BEND4: variants seen among roughly 807,000 people sequenced by gnomAD.
BEND4 encodes the protein BEN domain-containing protein 4.
In BEND4, 27 loss-of-function variants were observed where a neutral mutation model predicts 54.7. That is an observed-to-expected ratio of 0.49 (90% CI 0.36 to 0.68). The LOEUF is 0.68. Ranked by LOEUF, BEND4 falls within the 30% of genes least tolerant of loss-of-function variation. The pLI, the probability that BEND4 is intolerant of heterozygous loss-of-function variation, is 0.00. For missense variants in BEND4, 702 were observed against 697.2 expected (o/e 1.01, Z -0.08); for synonymous variants, 327 against 299.5 (o/e 1.09, Z -0.95).
At position 42,115,887 on chromosome 4, in the gene BEND4, A is replaced by G. The variant is rs1719803825; in HGVS notation, c.*1631T>C. 6.6e-6 allele frequency: 1 copy of G among 152,208 alleles called. No individual in the cohort carries two copies. 9.4% of individuals were successfully genotyped at this position (152,208 alleles called of 1,614,324 possible). ...GACAAATTTTAGTTAATTTTCTCAA[A>G]ACAGGATTGAAATATTAGTGCCCAC... On this transcript the variant is annotated 3_prime_UTR_variant, in exon 6 of 6. Coordinates refer to ENST00000502486, the MANE Select transcript of BEND4 (RefSeq NM_207406.4).
Position 42,113,853 on chromosome 4 carries a change from A to G in BEND4, c.*3665T>C, listed in dbSNP as rs995850447. ...CTCGAATCCCCTACAAAAGGAGATA[A>G]CAATTTTCTGCAAATGCTCTAATAT... On this transcript the variant is annotated 3_prime_UTR_variant, in exon 6 of 6. Transcript: ENST00000502486. The G allele has an allele frequency of 3.3e-5, 5 of 152,220 alleles. No individual in the cohort carries two copies. The highest frequency in any genetic ancestry group is 1.3e-4 in the Admixed American group (2 of 15,284). 9.4% of individuals were successfully genotyped at this position (152,220 alleles called of 1,614,324 possible).
Position 42,115,867 on chromosome 4 carries a change from A to T in BEND4, c.*1651T>A, listed in dbSNP as rs1719802968. On this transcript the variant is annotated 3_prime_UTR_variant, in exon 6 of 6. Transcript: ENST00000502486. The stretch of plus-strand genomic sequence containing the variant: ...CCTATTCCATTGAATGATATGACAA[A>T]TTTTAGTTAATTTTCTCAAAACAGG... 6.6e-6 allele frequency: 1 copy of T among 152,186 alleles called. No homozygotes were observed. The highest frequency in any genetic ancestry group is 2.1e-4 in the South Asian group (1 of 4,822). The allele number at this position is 152,186 out of a possible 1,614,324, so 9.4% of individuals were successfully genotyped here.
chr4:42,141,814 TTATG>T (rs1339412796), intron 3 of BEND4, among the ~76,000 whole-genome samples: 1 of 152,332 alleles, frequency 6.6e-6, no homozygotes, highest in Non-Finnish European at 1.5e-5. Flanking sequence ...TTAAAATTTC[TTATG>T]TATGATTTAT....
intron 4 of BEND4, among the ~76,000 whole-genome samples, chr4:42,120,970 T>C (rs1332339147): frequency 6.6e-6 from 1 of 152,166 alleles, no homozygotes; most frequent in East Asian, 1.9e-4. Flanking sequence ...CCGGGCTAAA[T>C]AGCTGCAGTG....
At chr4:42,141,223 C>T (rs773798056) in intron 3 of BEND4, among the ~76,000 whole-genome samples, 5 of 152,204 alleles carry the variant, frequency 3.3e-5, no homozygotes, top group South Asian at 4.1e-4. Flanking sequence ...GCACCTCTTA[C>T]TTCCTCCCCT....
intron 5 of BEND4, 128 bp from the exon 6 acceptor site, chr4:42,117,863 CG>C: frequency 1.6e-6 from 1 of 644,012 alleles, no homozygotes; most frequent in Non-Finnish European, 2.7e-6. Context: ...GGAAATCCAA[CG>C]CAATGCCATG....
chr4:42,147,448 G>A (rs1011361670), intron 2 of BEND4, among the ~76,000 whole-genome samples: 46 of 150,370 alleles, frequency 3.1e-4, no homozygotes, highest in Non-Finnish European at 5.3e-4. Flanking sequence ...TCTTAACTCA[G>A]CAAACTGTGA....
chr4:42,124,860 AC>A (rs1460261234), intron 4 of BEND4, among the ~76,000 whole-genome samples: 1 of 151,018 alleles, frequency 6.6e-6, no homozygotes, highest in African/African-American at 2.4e-5. Context: ...GAAGGTGCTG[AC>A]CCAGGATACT....
At chr4:42,124,815 A>C (rs890975363) in intron 4 of BEND4, among the ~76,000 whole-genome samples, 2 of 152,204 alleles carry the variant, frequency 1.3e-5, no homozygotes, top group African/African-American at 4.8e-5. Flanking sequence ...CCCGGGCCCA[A>C]CTTTCAAGAA....
At chr4:42,142,452 T>G (rs1389207699) in intron 3 of BEND4, among the ~76,000 whole-genome samples, 4 of 116,802 alleles carry the variant, frequency 3.4e-5, no homozygotes, top group African/African-American at 2.1e-4. Flanking sequence ...AAACCCTATC[T>G]CTACTAAAAA....
intron 3 of BEND4, among the ~76,000 whole-genome samples, chr4:42,140,508 T>G (rs1720844982): frequency 6.6e-6 from 1 of 152,244 alleles, no homozygotes; most frequent in South Asian, 2.1e-4. Context: ...ATGATTAGCC[T>G]AATTTCAACC....
intron 3 of BEND4, among the ~76,000 whole-genome samples, chr4:42,136,683 G>A (rs550280549): frequency 6.6e-6 from 1 of 152,132 alleles, no homozygotes; most frequent in Admixed American, 6.5e-5. Context: ...TTGTATTTTT[G>A]TGACTTTTGT....
chr4:42,145,716 T>C lies in BEND4; in HGVS notation c.488-1722A>G, dbSNP rs931513571. On this transcript the variant is annotated intron_variant, in intron 2 of 5. Transcript: ENST00000502486. ...AAAAAAAAAAAAAAAAGAATATATA[T>C]GTAAAGCCCATATAGCACAGTGTTT... Among the ~76,000 whole-genome samples the C allele has an allele frequency of 8.9e-4, 134 of 150,482 alleles. 2 individuals are homozygous for C. The highest frequency in any genetic ancestry group is 3.2e-3 in the African/African-American group (131 of 40,912).
chr4:42,146,923 A>T (rs911930067), intron 2 of BEND4, among the ~76,000 whole-genome samples: 4 of 152,206 alleles, frequency 2.6e-5, no homozygotes, highest in Admixed American at 2.0e-4. Context: ...TATAGATTTT[A>T]AGGGAAAAAA....
In BEND4 at chr4:42,120,186, T is replaced by A; in HGVS notation, c.1255A>T (p.Ile419Phe). 6.2e-7 allele frequency: 1 copy of A among 1,614,026 alleles called. No individual in the cohort carries two copies. ...TCATCGGTTGTGAAAACAAATCTGATGAGGTATCGAAGGAGCCGTCTCCCA... is the reference window on the plus strand; with the variant it reads ...TCATCGGTTGTGAAAACAAATCTGAAGAGGTATCGAAGGAGCCGTCTCCCA... ...KDGRRLLRYL[I>F]RFVFTTDELK... The change falls in exon 5 of 6, where the codon ATC (isoleucine) becomes TTC (phenylalanine). Residue 419 changes from isoleucine to phenylalanine, a missense_variant. Ile to Phe is a conservative substitution (Grantham distance 21). Coordinates refer to ENST00000502486, the MANE Select transcript of BEND4 (RefSeq NM_207406.4).
chr4:42,115,847 T>C lies in BEND4; in HGVS notation c.*1671A>G, dbSNP rs985215189. Reference sequence around the variant, plus strand: ...AGAATTGAATATTGGTTCTCCCTATTCCATTGAATGATATGACAAATTTTA... The same window carrying C: ...AGAATTGAATATTGGTTCTCCCTATCCCATTGAATGATATGACAAATTTTA... On this transcript the variant is annotated 3_prime_UTR_variant, in exon 6 of 6. Coordinates refer to ENST00000502486, the MANE Select transcript of BEND4 (RefSeq NM_207406.4). The C allele has an allele frequency of 1.4e-4, 16 of 115,410 alleles. No individual in the cohort carries two copies. The highest frequency in any genetic ancestry group is 7.9e-4 in the Admixed American group (11 of 13,924). 7.1% of individuals were successfully genotyped at this position (115,410 alleles called of 1,614,324 possible).
At chr4:42,123,916 G>T (rs751484311) in intron 4 of BEND4, among the ~76,000 whole-genome samples, 1 of 152,260 alleles carries the variant, frequency 6.6e-6, no homozygotes, top group African/African-American at 2.4e-5. Context: ...CTGCAGATGG[G>T]TATTCAGAAT....
chr4:42,139,753 T>A (rs963886246), intron 3 of BEND4, among the ~76,000 whole-genome samples: 3 of 152,160 alleles, frequency 2.0e-5, no homozygotes, highest in Non-Finnish European at 2.9e-5. Flanking sequence ...TCATCCATCC[T>A]GCTTGGCTGT....
At chr4:42,150,139 G>T (rs955420972) in intron 2 of BEND4, among the ~76,000 whole-genome samples, 2 of 152,054 alleles carry the variant, frequency 1.3e-5, no homozygotes, top group African/African-American at 2.4e-5. Flanking sequence ...GCCTGAACAA[G>T]AAGTAGTTTA....
Sources: allele counts gnomAD v4.1 joint callset (sites outside exome capture counted in the v4.1 genomes callset), GRCh38; gene constraint gnomAD v4.1.1; transcripts MANE v1.5; gene names NCBI Gene and HGNC (gene_info 2026-07-23, HGNC 2026-07-21).